ATF7: variants seen among roughly 807,000 people sequenced by gnomAD.
The protein encoded by ATF7 is activating transcription factor 7, also known as cyclic AMP-dependent transcription factor ATF-7.
In ATF7, 10 loss-of-function variants were observed where a neutral mutation model predicts 50.4. The observed-to-expected ratio is 0.20, with a 90% CI of 0.12 to 0.34. The LOEUF is 0.34. Among genes scored for constraint, ATF7 ranks in the 10% least tolerant of loss-of-function variants. ATF7 has a pLI of 1.00. For missense variants in ATF7, 465 were observed against 613.9 expected (o/e 0.76, Z 2.56); for synonymous variants, 201 against 226.4 (o/e 0.89, Z 1.01).
downstream of ATF7, chr12:53,508,328 A>G (rs898386965): frequency 6.6e-6 from 1 of 151,126 alleles, no homozygotes; most frequent in Non-Finnish European, 1.5e-5. Flanking sequence ...TTGGGAGACC[A>G]AGGCGGGTGG....
chr12:53,523,026 T>C (rs988118491), intron 11 of ATF7: 1 of 390,468 alleles, frequency 2.6e-6, no homozygotes, highest in Non-Finnish European at 4.7e-6. Context: ...GACTGTAGCA[T>C]GCCTAACACA....
chr12:53,612,478 T>C (rs1011960808), intron 1 of ATF7, among the ~76,000 whole-genome samples: 6 of 152,082 alleles, frequency 3.9e-5, no homozygotes, highest in African/African-American at 1.4e-4. Context: ...TTCACCACAT[T>C]GGCCAGAATG....
chr12:53,610,639 A>C (rs935629182), intron 1 of ATF7, among the ~76,000 whole-genome samples: 1 of 152,080 alleles, frequency 6.6e-6, no homozygotes, highest in Non-Finnish European at 1.5e-5. Context: ...GTCTACTTAC[A>C]ACTGAATCAT....
At chr12:53,580,179 C>G (rs1267946636) in intron 2 of ATF7, among the ~76,000 whole-genome samples, 1 of 151,426 alleles carries the variant, frequency 6.6e-6, no homozygotes, top group Non-Finnish European at 1.5e-5. Flanking sequence ...GATCCACCTG[C>G]CTTGGCCTCC....
In ATF7 at chr12:53,529,747, T is replaced by G. The variant is rs1395295455; in HGVS notation, c.927+1997A>C. Among the ~76,000 whole-genome samples, 52 of 72,620 alleles carry G rather than the reference T, an allele frequency of 7.2e-4. 1 individual carries two copies. Among genetic ancestry groups the G allele is most frequent in the African/African-American group, 3.1e-3 (49 of 15,932 alleles). 47.6% of individuals were successfully genotyped at this position (72,620 alleles called of 152,430 possible). A position where few individuals can be genotyped will look rare whatever the true frequency, so the allele number is the denominator to read the frequency against. On this transcript the variant is annotated intron_variant, in intron 9 of 11. Coordinates refer to ENST00000420353, the MANE Select transcript of ATF7 (RefSeq NM_006856.3). ...CACACACACACACATATATATATGT[T>G]TTTTTTTTTTTGAGATGGAGTCTCG... is the stretch of plus-strand genomic sequence containing the variant.
intron 7 of ATF7, 60 bp downstream of exon 7, chr12:53,533,100 C>CA: frequency 7.0e-7 from 1 of 1,427,574 alleles, no homozygotes. Flanking sequence ...TATGACCATT[C>CA]AGGTGGAAGG....
At chr12:53,577,169 C>G (rs1592913244) in intron 2 of ATF7, among the ~76,000 whole-genome samples, 1 of 152,030 alleles carries the variant, frequency 6.6e-6, no homozygotes, top group African/African-American at 2.4e-5. Context: ...GTCTGTAGTT[C>G]CGGCTACTTG....
chr12:53,540,184 C>A (rs957207380), intron 4 of ATF7, among the ~76,000 whole-genome samples: 1 of 151,682 alleles, frequency 6.6e-6, no homozygotes, highest in Non-Finnish European at 1.5e-5. Context: ...AACCCTGTCT[C>A]TACTAAAAAT....
At chr12:53,605,569 G>A (rs1281499620) in intron 1 of ATF7, among the ~76,000 whole-genome samples, 1 of 152,146 alleles carries the variant, frequency 6.6e-6, no homozygotes, top group African/African-American at 2.4e-5. Context: ...GAGTAAATGA[G>A]ACAGATATGA....
chr12:53,594,837 G>C (rs530997533), intron 2 of ATF7, among the ~76,000 whole-genome samples: 21 of 147,808 alleles, frequency 1.4e-4, no homozygotes, highest in Admixed American at 1.4e-3. Context: ...GCAGTGAGCC[G>C]AGATCACACC....
At chr12:53,606,234 T>G (rs1287495931) in intron 1 of ATF7, among the ~76,000 whole-genome samples, 2 of 151,932 alleles carry the variant, frequency 1.3e-5, no homozygotes, top group Non-Finnish European at 2.9e-5. Context: ...CAATAGAGTA[T>G]GCAGCAGAAA....
At chr12:53,600,257 G>C (rs1347802638) in intron 2 of ATF7, among the ~76,000 whole-genome samples, 1 of 152,088 alleles carries the variant, frequency 6.6e-6, no homozygotes, top group African/African-American at 2.4e-5. Flanking sequence ...GGTTCACAAT[G>C]AGTGGGTACA....
chr12:53,615,897 G>GATA (rs1269753099), intron 1 of ATF7, among the ~76,000 whole-genome samples: 2 of 151,972 alleles, frequency 1.3e-5, no homozygotes, highest in Non-Finnish European at 2.9e-5. Flanking sequence ...TAAAAATAAT[G>GATA]ATAATAATAA....
chr12:53,564,659 C>T (rs1349345669), intron 2 of ATF7, among the ~76,000 whole-genome samples: 1 of 152,170 alleles, frequency 6.6e-6, no homozygotes, highest in Non-Finnish European at 1.5e-5. Context: ...ACAATTAAAT[C>T]AACAAGCTAG....
intron 9 of ATF7, among the ~76,000 whole-genome samples, chr12:53,529,193 T>C (rs553055204): frequency 1.5e-4 from 23 of 152,124 alleles, no homozygotes; most frequent in Non-Finnish European, 1.6e-4. Context: ...CTGTCTCTAA[T>C]ATTATTTATT....
At chr12:53,610,564 C>CAA (rs528813775) in intron 1 of ATF7, among the ~76,000 whole-genome samples, 29 of 54,956 alleles carry the variant, frequency 5.3e-4, no homozygotes, top group South Asian at 5.2e-3. Flanking sequence ...GACTCTGTCT[C>CAA]AAAAAAAAAA....
intron 4 of ATF7, among the ~76,000 whole-genome samples, chr12:53,539,015 T>A (rs1161327663): frequency 1.3e-5 from 2 of 152,130 alleles, no homozygotes; most frequent in East Asian, 3.9e-4. Context: ...CTCTAGGGCA[T>A]CTCCTAGCAA....
chr12:53,534,775 A>T, intron 5 of ATF7, 116 bp from the exon 6 acceptor site: 1 of 1,169,262 alleles, frequency 8.6e-7, no homozygotes, highest in East Asian at 2.7e-5. Flanking sequence ...CCACTCATTA[A>T]ATCATGACCT....
chr12:53,612,701 G>A (rs923919323), intron 1 of ATF7, among the ~76,000 whole-genome samples: 1 of 152,258 alleles, frequency 6.6e-6, no homozygotes, highest in African/African-American at 2.4e-5. Flanking sequence ...TAAACAGTAA[G>A]TTAGGCTGGG....
Sources: allele counts gnomAD v4.1 joint callset (sites outside exome capture counted in the v4.1 genomes callset), GRCh38; gene constraint gnomAD v4.1.1; transcripts MANE v1.5; gene names NCBI Gene and HGNC (gene_info 2026-07-23, HGNC 2026-07-21).